Variants in CCSER1 observed in about 807,000 individuals in gnomAD.
CCSER1 encodes coiled-coil serine rich protein 1, also known as serine-rich coiled-coil domain-containing protein 1.
Under a neutral mutation model 82.0 loss-of-function variants are expected in CCSER1, and 41 were observed. The observed-to-expected ratio is 0.50, with a 90% CI of 0.39 to 0.65. The LOEUF (loss-of-function observed/expected upper bound fraction) is 0.65, where lower values mean the gene tolerates loss of function less well. Among genes scored for constraint, CCSER1 ranks in the 30% least tolerant of loss-of-function variants. The probability of loss-of-function intolerance (pLI) is 0.00; values close to 1 mark genes in which losing one functional copy is unlikely to be tolerated. For missense variants in CCSER1, 1,119 were observed against 1,064.2 expected, an observed-to-expected ratio of 1.05 and a Z score of -0.72; for synonymous variants, 414 against 383.9, an observed-to-expected ratio of 1.08 and a Z score of -0.92.
intron 9 of CCSER1, among the ~76,000 whole-genome samples, chr4:90,931,854 C>A (rs1438397124): frequency 6.6e-6 from 1 of 152,108 alleles, no homozygotes; most frequent in Non-Finnish European, 1.5e-5. Context: ...TAGCTTCTAC[C>A]TTTTGCCAGT....
At chr4:91,291,756 G>C (rs1319175029) in intron 10 of CCSER1, among the ~76,000 whole-genome samples, 1 of 151,936 alleles carries the variant, frequency 6.6e-6, no homozygotes, top group Non-Finnish European at 1.5e-5. Context: ...ATTTGCCATG[G>C]GATTTGGCGG....
chr4:91,215,323 A>T (rs961481530), intron 10 of CCSER1, among the ~76,000 whole-genome samples: 2 of 152,200 alleles, frequency 1.3e-5, no homozygotes, highest in Non-Finnish European at 2.9e-5. Flanking sequence ...TGCCTTTAAA[A>T]AAGATACTAT....
chr4:90,751,518 C>T (rs1270303672), intron 7 of CCSER1, among the ~76,000 whole-genome samples: 1 of 151,926 alleles, frequency 6.6e-6, no homozygotes, highest in African/African-American at 2.4e-5. Flanking sequence ...TACACAGAAA[C>T]ATCAATATAA....
At chr4:91,078,316 T>A (rs1382913712) in intron 9 of CCSER1, among the ~76,000 whole-genome samples, 1 of 152,128 alleles carries the variant, frequency 6.6e-6, no homozygotes, top group African/African-American at 2.4e-5. Context: ...GCAAACAGGG[T>A]CTGGAGTGGA....
chr4:90,619,865 C>T (rs957011879), intron 5 of CCSER1, among the ~76,000 whole-genome samples: 1 of 151,982 alleles, frequency 6.6e-6, no homozygotes, highest in East Asian at 1.9e-4. Context: ...AAGTGAAATG[C>T]TCCTTAACCT....
At chr4:90,305,094 T>A (rs1734007933) in intron 1 of CCSER1, among the ~76,000 whole-genome samples, 1 of 152,110 alleles carries the variant, frequency 6.6e-6, no homozygotes, top group Non-Finnish European at 1.5e-5. Flanking sequence ...TTTTTTGTAT[T>A]TTTAGTAGAG....
chr4:90,981,204 C>A (rs1706301012), intron 9 of CCSER1, among the ~76,000 whole-genome samples: 1 of 151,816 alleles, frequency 6.6e-6, no homozygotes, highest in Non-Finnish European at 1.5e-5. Flanking sequence ...ACATATTTGA[C>A]AATGCAAACT....
At chr4:90,359,879 GTATATATATGTGTGTGTGTATATA>G (rs1745015430) in intron 3 of CCSER1, among the ~76,000 whole-genome samples, 1 of 145,186 alleles carries the variant, frequency 6.9e-6, no homozygotes, top group Non-Finnish European at 1.5e-5. Context: ...ATATATGTGT[GTATATATATGTGTGTGTGTATATA>G]TATATATATA....
In CCSER1 at chr4:90,732,057, C is replaced by G. The variant is rs572420830; in HGVS notation, c.2010+8066C>G. On this transcript the variant is annotated intron_variant, in intron 7 of 10. Transcript: ENST00000509176. ...TCTCTCTCTCTCTCTCTCTCTCTCT[C>G]TCTCACTGCTCTATTCTACTTCTGC... is the stretch of plus-strand genomic sequence containing the variant. Among the ~76,000 whole-genome samples the G allele has an allele frequency of 1.3e-4, 14 of 109,120 alleles. 1 individual carries two copies. In the South Asian group the frequency reaches 4.8e-3, roughly 37 times the overall value. The allele number at this position is 109,120 out of a possible 152,430, so 71.6% of individuals were successfully genotyped here.
chr4:91,163,214 G>A (rs1382311015), intron 10 of CCSER1, among the ~76,000 whole-genome samples: 1 of 152,202 alleles, frequency 6.6e-6, no homozygotes, highest in African/African-American at 2.4e-5. Context: ...AGAGCAGATT[G>A]TTCAGTTTCC....
intron 10 of CCSER1, among the ~76,000 whole-genome samples, chr4:91,300,647 G>A (rs1477726804): frequency 1.3e-5 from 2 of 151,728 alleles, no homozygotes; most frequent in Non-Finnish European, 1.5e-5. Flanking sequence ...CACCAAGAAA[G>A]GTGATATTTT....
intron 10 of CCSER1, among the ~76,000 whole-genome samples, chr4:91,144,346 CTCTT>C (rs1729341296): frequency 8.3e-6 from 1 of 119,944 alleles, no homozygotes; most frequent in Non-Finnish European, 1.8e-5. Context: ...ATTTGGATCT[CTCTT>C]TTTTTCTCTG....
intron 5 of CCSER1, among the ~76,000 whole-genome samples, chr4:90,495,912 A>C (rs1768921381): frequency 6.6e-6 from 1 of 152,246 alleles, no homozygotes; most frequent in South Asian, 2.1e-4. Context: ...ACAGAAAGAC[A>C]GTCAGACATT....
At chr4:90,430,481 C>A (rs954512885) in intron 4 of CCSER1, among the ~76,000 whole-genome samples, 1 of 151,840 alleles carries the variant, frequency 6.6e-6, no homozygotes, top group Non-Finnish European at 1.5e-5. Flanking sequence ...TCTTAGTACT[C>A]TTTAAAGCAT....
intron 10 of CCSER1, among the ~76,000 whole-genome samples, chr4:91,501,112 T>C (rs1301086803): frequency 6.6e-6 from 1 of 151,824 alleles, no homozygotes; most frequent in Non-Finnish European, 1.5e-5. Context: ...GCTGAAAATA[T>C]TATATTAATC....
chr4:90,975,954 A>G (rs1735573980), intron 9 of CCSER1, among the ~76,000 whole-genome samples: 1 of 151,280 alleles, frequency 6.6e-6, no homozygotes, highest in South Asian at 2.1e-4. Context: ...GGGAATTTAG[A>G]GTGGGTAACA....
At chr4:90,228,095 G>T (rs1490846157) in intron 1 of CCSER1, among the ~76,000 whole-genome samples, 1 of 152,230 alleles carries the variant, frequency 6.6e-6, no homozygotes, top group Non-Finnish European at 1.5e-5. Context: ...GAGCAGCCGG[G>T]AAGCTCCAAC....
rs1247716855 is a variant in CCSER1, at chr4:91,161,377, G to A, written c.2217+75383G>A. On this transcript the variant is annotated intron_variant, in intron 10 of 10. Coordinates refer to ENST00000509176, the MANE Select transcript of CCSER1 (RefSeq NM_001145065.2). The stretch of plus-strand genomic sequence containing the variant: ...GTTCTTTTTGCTTAGGGTTGTCTTG[G>A]CAATGTGGGCTCTTTTTTGGTTCCA... Among the ~76,000 whole-genome samples, 4 of 152,100 alleles carry A rather than the reference G, an allele frequency of 2.6e-5. No homozygotes were observed. In the East Asian group the frequency reaches 7.7e-4, roughly 29 times the overall value.
At chr4:90,981,616 C>T (rs1239507318) in intron 9 of CCSER1, among the ~76,000 whole-genome samples, 1 of 151,842 alleles carries the variant, frequency 6.6e-6, no homozygotes, top group Non-Finnish European at 1.5e-5. Context: ...GTCCCTGTCA[C>T]ATACAGGCAC....
Sources: allele counts gnomAD v4.1 joint callset (sites outside exome capture counted in the v4.1 genomes callset), GRCh38; gene constraint gnomAD v4.1.1; transcripts MANE v1.5; gene names NCBI Gene and HGNC (gene_info 2026-07-23, HGNC 2026-07-21).